FOXM1: variants seen among roughly 807,000 people sequenced by gnomAD.
FOXM1 encodes forkhead box M1, also known as forkhead box protein M1.
A neutral mutation model predicts 63.6 loss-of-function variants in FOXM1; 25 were observed. The ratio of observed to expected loss-of-function variants is 0.39; its 90% confidence interval spans 0.29 to 0.55. The LOEUF (loss-of-function observed/expected upper bound fraction) is 0.55. Among genes scored for constraint, FOXM1 ranks in the 20% least tolerant of loss-of-function variants. The pLI is 0.60. For synonymous variants in FOXM1, 387 were observed against 376.9 expected, an observed-to-expected ratio of 1.03 and a Z score of -0.31; for missense variants, 879 against 958.7, an observed-to-expected ratio of 0.92 and a Z score of 1.10.
intron 1 of FOXM1, among the ~76,000 whole-genome samples, chr12:2,875,416 A>G (rs1479330259): frequency 6.6e-6 from 1 of 152,230 alleles, no homozygotes; most frequent in Non-Finnish European, 1.5e-5. Flanking sequence ...AAAACCTCAC[A>G]TAAAATGGAA....
Position 2,858,560 on chromosome 12 carries a change from C to T in FOXM1, c.*78G>A, listed in dbSNP as rs1038734962. ...GAACAGTCCCTGCCTGCTGTCCTCA[C>T]TCAGAGGCTTGGGGTGCACTGAGCC... On this transcript the variant is annotated 3_prime_UTR_variant, in exon 9 of 9. Transcript: ENST00000359843. 1.5e-6 allele frequency: 2 copies of T among 1,308,728 alleles called. No homozygotes were observed. Among genetic ancestry groups the T allele is most frequent in the Non-Finnish European group, 2.1e-6 (2 of 944,596 alleles). 81.1% of individuals were successfully genotyped at this position (1,308,728 alleles called of 1,614,324 possible).
Position 2,865,448 on chromosome 12 carries a change from C to A in FOXM1, c.976-49G>T, listed in dbSNP as rs746341217. 2.0e-6 allele frequency: 3 copies of A among 1,486,756 alleles called. No homozygotes were observed. In the East Asian group the frequency reaches 6.9e-5, roughly 34 times the overall value. 92.1% of individuals were successfully genotyped at this position (1,486,756 alleles called of 1,614,324 possible). A position where few individuals can be genotyped will look rare whatever the true frequency, so the allele number is the denominator to read the frequency against. ...GAGAGAAATGAGATGAAGTTACCAC[C>A]AACGTGGTCAATTTGACCGGATTGG... On this transcript the variant is annotated intron_variant, in intron 5 of 8. Transcript: ENST00000359843.
In FOXM1 at chr12:2,859,369, T is replaced by C. The variant is rs2098103603; in HGVS notation, c.1561A>G (p.Arg521Gly). 6.2e-7 allele frequency: 1 copy of C among 1,613,822 alleles called. No individual in the cohort carries two copies. Among genetic ancestry groups the C allele is most frequent in the Admixed American group, 1.7e-5 (1 of 59,980 alleles). Residue 521 changes from arginine to glycine, a missense_variant, in exon 9 of 9, where the codon AGG becomes GGG. Physicochemically the swap from Arg to Gly is moderately radical, Grantham distance 125 (BLOSUM62 -2). Coordinates refer to ENST00000359843, the MANE Select transcript of FOXM1 (RefSeq NM_021953.4). ...TCCGAGACACACCGGGTTGGGGACC[T>C]AAGCCCACTGTAGGACTTCTTGGGT... ...PRPKKSYSGL[R>G]SPTRCVSEML...
In FOXM1 at chr12:2,858,857, G is replaced by A. The variant is rs760422215; in HGVS notation, c.2073C>T (p.Asn691=). 3 of 1,614,154 alleles carry A rather than the reference G, an allele frequency of 1.9e-6. No homozygotes were observed. The highest frequency in any genetic ancestry group is 1.3e-5 in the African/African-American group (1 of 75,030). ...PLDLISVPFG[N]SSPSDIDVPK... ...GGACGTCTATATCTGAGGGAGAAGA[G>A]TTGCCAAAGGGGACGGAGATGAGGT... The change falls in exon 9 of 9, where the codon AAC becomes AAT. Residue 691 remains asparagine, a synonymous_variant. Transcript: ENST00000359843.
rs1043508326 is a variant in FOXM1, at chr12:2,864,905, G to A, written c.1021-153C>T. ...CCAACCTGAGGGGATGGACGTAGGC[G>A]AGCAGTCTCCAAAACTGTGATGAGT... On this transcript the variant is annotated intron_variant, in intron 6 of 8. Coordinates refer to ENST00000359843, the MANE Select transcript of FOXM1 (RefSeq NM_021953.4). This position sits in a 1 kb window ranked among gnomAD's most constrained non-coding sequence, Gnocchi z 5.1. 2.6e-5 allele frequency: 20 copies of A among 769,086 alleles called. No homozygotes were observed. Among genetic ancestry groups the A allele is most frequent in the African/African-American group, 1.0e-4 (6 of 58,128 alleles). 47.6% of individuals were successfully genotyped at this position (769,086 alleles called of 1,614,324 possible). A position where few individuals can be genotyped will look rare whatever the true frequency, so the allele number is the denominator to read the frequency against.
At chr12:2,866,345 T>C (rs2098123103) in intron 5 of FOXM1, 48 bp downstream of exon 5, 2 of 1,388,754 alleles carry the variant, frequency 1.4e-6, no homozygotes, top group East Asian at 2.8e-5. Context: ...GAGATGGCTA[T>C]GACAACCTCC....
At position 2,864,656 on chromosome 12, in the gene FOXM1, G is replaced by A. The variant is rs376822769; in HGVS notation, c.1090+27C>T. 9.9e-6 allele frequency: 16 copies of A among 1,611,274 alleles called. No individual in the cohort carries two copies. In the African/African-American group the frequency reaches 2.1e-4, roughly 21 times the overall value. ...GATATGGCCCCAGAACAAGGACCAG[G>A]CCCAAGGCCCACTCTCCCATACTAA... On this transcript the variant is annotated intron_variant, in intron 7 of 8. Transcript: ENST00000359843. The surrounding 1 kb of genome is among the most constrained non-coding windows in gnomAD (Gnocchi z 5.1).
chr12:2,859,823 G>T, intron 8 of FOXM1, 160 bp from the exon 9 acceptor site: 1 of 608,328 alleles, frequency 1.6e-6, no homozygotes, highest in Non-Finnish European at 2.9e-6. Flanking sequence ...CAATTCTGGG[G>T]GTAAAAGATG....
chr12:2,864,740 G>C lies in FOXM1; in HGVS notation c.1033C>G (p.Pro345Ala). Reference sequence around the variant, plus strand: ...ATGTTCCGGCGGAGCTCTGGATTCGGTCGTTTCTGCTGCTGCTTGTGGCAG... The same window carrying C: ...ATGTTCCGGCGGAGCTCTGGATTCGCTCGTTTCTGCTGCTGCTTGTGGCAG... The part of the protein sequence containing the change: ...PEHLESQQKR[P>A]NPELRRNMTI... Residue 345 changes from proline (P) to alanine (A), a missense_variant, in exon 7 of 9, where the codon CCG (proline) becomes GCG (alanine). Pro to Ala is a conservative substitution (Grantham distance 27, BLOSUM62 -1). Coordinates refer to ENST00000359843, the MANE Select transcript of FOXM1 (RefSeq NM_021953.4). This position sits in a 1 kb window ranked among gnomAD's most constrained non-coding sequence, Gnocchi z 5.1. 6.2e-7 allele frequency: 1 copy of C among 1,614,192 alleles called. No homozygotes were observed. The highest frequency in any genetic ancestry group is 8.5e-7 in the Non-Finnish European group (1 of 1,180,032).
At chr12:2,875,761 A>ATTTT (rs568267379) in intron 1 of FOXM1, among the ~76,000 whole-genome samples, 102 of 133,378 alleles carry the variant, frequency 7.6e-4, no homozygotes, top group African/African-American at 2.6e-3. Flanking sequence ...ATTTTTTTTA[A>ATTTT]TTTTTTTTTT....
At chr12:2,860,733 G>A (rs555198936) in intron 8 of FOXM1, among the ~76,000 whole-genome samples, 34 of 152,010 alleles carry the variant, frequency 2.2e-4, no homozygotes, top group African/African-American at 7.5e-4. Context: ...TTAGCCGGGC[G>A]TGGTGGCATG....
rs926667225 is a variant in FOXM1, at chr12:2,858,990, G to C, written c.1940C>G (p.Ser647Cys). 6.2e-7 allele frequency: 1 copy of C among 1,613,454 alleles called. No homozygotes were observed. Among genetic ancestry groups the C allele is most frequent in the Non-Finnish European group, 8.5e-7 (1 of 1,179,826 alleles). The stretch of plus-strand genomic sequence containing the variant: ...CCCCAGGGGGTCAGGCAAGGGGTCA[G>C]AGGCACCCTGGGAGGTTTGTACTGG... ...FSPVQTSQGA[S>C]DPLPDPLGLM... Residue 647 changes from serine (S) to cysteine (C), a missense_variant, in exon 9 of 9, where the codon TCT (serine) becomes TGT (cysteine). Physicochemically the swap from Ser to Cys is moderately radical, Grantham distance 112. Around this residue, in one of 4 missense-constraint regions of FOXM1, gnomAD observed 486 missense variants for 453.5 expected, o/e 1.07. Coordinates refer to ENST00000359843, the MANE Select transcript of FOXM1 (RefSeq NM_021953.4).
rs1359078852 is a variant in FOXM1 at position 2,872,503 on chromosome 12, G to A, written c.503-256C>T. On this transcript the variant is annotated intron_variant, in intron 2 of 8. Coordinates refer to ENST00000359843, the MANE Select transcript of FOXM1 (RefSeq NM_021953.4). The surrounding 1 kb of genome is among the most constrained non-coding windows in gnomAD (Gnocchi z 4.0). ...ACACGCCTGTAGTCCCAGCTACTCA[G>A]GAGGCTGAGACAGGAGAATTGCTCG... 1.3e-5 allele frequency among the ~76,000 whole-genome samples: 2 copies of A among 152,322 alleles called. No homozygotes were observed. Among genetic ancestry groups the A allele is most frequent in the South Asian group, 2.1e-4 (1 of 4,828 alleles).
intron 8 of FOXM1, among the ~76,000 whole-genome samples, chr12:2,863,554 A>AT (rs575465056): frequency 0.01 from 1,491 of 146,218 alleles, 24 homozygotes; most frequent in African/African-American, 0.03. Flanking sequence ...ACCGTGGCTA[A>AT]TTTTTTTTTT....
Position 2,859,471 on chromosome 12 carries a change from ACT to A in FOXM1, c.1457_1458del (p.Glu486ValfsTer35). On this transcript the variant is annotated frameshift_variant, in exon 9 of 9. Transcript: ENST00000359843. LOFTEE classifies it high-confidence loss of function. ...PIKVESPPLE[E>X]WPSPAPSFKE... ...TTGAAAGATGGGGCCGGGGAGGGCC[ACT>A]CTTCCAAGGGAGGGCTCTCCACTTT... The A allele has an allele frequency of 6.2e-7, 1 of 1,613,688 alleles. No individual in the cohort carries two copies. Among genetic ancestry groups the A allele is most frequent in the Non-Finnish European group, 8.5e-7 (1 of 1,179,940 alleles).
chr12:2,868,163 A>G (rs1271130011), intron 4 of FOXM1: 1 of 155,862 alleles, frequency 6.4e-6, no homozygotes, highest in Non-Finnish European at 1.4e-5. Context: ...ACCCCTGCCC[A>G]CTAGAAATGC....
intron 4 of FOXM1, 136 bp downstream of exon 4, chr12:2,868,427 A>G (rs2098127422): frequency 1.6e-6 from 1 of 643,478 alleles, no homozygotes; most frequent in East Asian, 2.8e-5. Context: ...TTGAGTCACA[A>G]TCTAAAAGAT....
Position 2,864,900 on chromosome 12 carries a change from TAGGCG to T in FOXM1, c.1021-153_1021-149del, listed in dbSNP as rs773318968. ...GGAGGCCAACCTGAGGGGATGGACG[TAGGCG>T]AGCAGTCTCCAAAACTGTGATGAGT... On this transcript the variant is annotated intron_variant, in intron 6 of 8. Transcript: ENST00000359843. This position sits in a 1 kb window ranked among gnomAD's most constrained non-coding sequence, Gnocchi z 5.1. 24 of 803,008 alleles carry T rather than the reference TAGGCG, an allele frequency of 3.0e-5. No individual in the cohort carries two copies. Among genetic ancestry groups the T allele is most frequent in the Non-Finnish European group, 4.6e-5 (22 of 479,190 alleles). 49.7% of individuals were successfully genotyped at this position (803,008 alleles called of 1,614,324 possible). A position where few individuals can be genotyped will look rare whatever the true frequency, so the allele number is the denominator to read the frequency against.
At position 2,864,977 on chromosome 12, in the gene FOXM1, C is replaced by T. The variant is rs935190180; in HGVS notation, c.1021-225G>A. 4.8e-5 allele frequency: 29 copies of T among 604,502 alleles called. No homozygotes were observed. Among genetic ancestry groups the T allele is most frequent in the African/African-American group, 3.9e-4 (21 of 54,128 alleles). 37.4% of individuals were successfully genotyped at this position (604,502 alleles called of 1,614,324 possible). A position where few individuals can be genotyped will look rare whatever the true frequency, so the allele number is the denominator to read the frequency against. On this transcript the variant is annotated intron_variant, in intron 6 of 8. Coordinates refer to ENST00000359843, the MANE Select transcript of FOXM1 (RefSeq NM_021953.4). This position sits in a 1 kb window ranked among gnomAD's most constrained non-coding sequence, Gnocchi z 5.1. Reference sequence around the variant, plus strand: ...ACACATGATGGCAGAGTGGCACTACCGCTTCACCCACGTGTCCTCAACACC... The same window carrying T: ...ACACATGATGGCAGAGTGGCACTACTGCTTCACCCACGTGTCCTCAACACC...
Sources: allele counts gnomAD v4.1 joint callset (sites outside exome capture counted in the v4.1 genomes callset), GRCh38; gene constraint gnomAD v4.1.1; regional missense constraint gnomAD v4.1.1; non-coding constraint Gnocchi (gnomAD v3.1); transcripts MANE v1.5; gene names NCBI Gene and HGNC (gene_info 2026-07-23, HGNC 2026-07-21).